Variants in ANKS1B observed in about 807,000 individuals in gnomAD.
The protein encoded by ANKS1B is ankyrin repeat and sterile alpha motif domain-containing protein 1B.
Under a neutral mutation model 148.3 loss-of-function variants are expected in ANKS1B, and 36 were observed. That is an observed-to-expected ratio of 0.24 (90% confidence interval 0.19 to 0.32). The LOEUF is 0.32. Ranked by LOEUF, ANKS1B falls within the 10% of genes least tolerant of loss-of-function variation. The pLI, the probability that ANKS1B is intolerant of heterozygous loss-of-function variation, is 1.00. For missense variants in ANKS1B, 1,157 were observed against 1,542.6 expected (o/e 0.75, Z 4.19); for synonymous variants, 542 against 560.8 (o/e 0.97, Z 0.47).
At chr12:99,673,895 T>C (rs1003198824) in intron 8 of ANKS1B, among the ~76,000 whole-genome samples, 3 of 151,656 alleles carry the variant, frequency 2.0e-5, no homozygotes, top group African/African-American at 7.2e-5. Context: ...CAGCTCAAAA[T>C]TATAATTTAG....
At chr12:99,803,275 A>AC (rs35970531) in intron 4 of ANKS1B, among the ~76,000 whole-genome samples, 42,971 of 89,688 alleles carry the variant, frequency 0.48, 10,689 homozygotes, top group Admixed American at 0.6. Flanking sequence ...TTAAATATTC[A>AC]CCCCCCCCCA....
intron 8 of ANKS1B, among the ~76,000 whole-genome samples, chr12:99,716,749 T>C (rs2057385146): frequency 6.6e-6 from 1 of 152,070 alleles, no homozygotes; most frequent in South Asian, 2.1e-4. Flanking sequence ...AAATCTTCCT[T>C]CTTTCCCTCC....
intron 17 of ANKS1B, among the ~76,000 whole-genome samples, chr12:98,887,903 A>T (rs2099743729): frequency 6.6e-6 from 1 of 152,210 alleles, no homozygotes; most frequent in African/African-American, 2.4e-5. Flanking sequence ...ATGATCCACC[A>T]ATAAAATAAA....
intron 19 of ANKS1B, among the ~76,000 whole-genome samples, chr12:98,818,464 A>C (rs1411251772): frequency 1.3e-5 from 2 of 152,206 alleles, no homozygotes; most frequent in African/African-American, 2.4e-5. Flanking sequence ...TTGCCTGTAC[A>C]ATCCAGCTCT....
At chr12:99,805,961 T>C (rs538555948) in intron 4 of ANKS1B, among the ~76,000 whole-genome samples, 2 of 152,358 alleles carry the variant, frequency 1.3e-5, no homozygotes, top group East Asian at 3.9e-4. Context: ...TTAACTGAAA[T>C]TTAATAGTTC....
intron 1 of ANKS1B, among the ~76,000 whole-genome samples, chr12:99,942,538 G>A (rs2094946116): frequency 6.6e-6 from 1 of 152,048 alleles, no homozygotes; most frequent in African/African-American, 2.4e-5. Context: ...AAAAATTTAG[G>A]CTAAGGAAAG....
chr12:99,238,084 C>G (rs1339073090), intron 14 of ANKS1B, among the ~76,000 whole-genome samples: 1 of 152,214 alleles, frequency 6.6e-6, no homozygotes, highest in Non-Finnish European at 1.5e-5. Context: ...CGAGCTGAAG[C>G]AGGGCGGGGT....
chr12:99,233,110 G>A (rs2087165635), intron 14 of ANKS1B, among the ~76,000 whole-genome samples: 1 of 151,976 alleles, frequency 6.6e-6, no homozygotes, highest in Non-Finnish European at 1.5e-5. Flanking sequence ...TGTATAGAAG[G>A]TGTATATAAA....
At chr12:99,523,551 C>CCTTTTT (rs2096896395) in intron 9 of ANKS1B, among the ~76,000 whole-genome samples, 1 of 119,640 alleles carries the variant, frequency 8.4e-6, no homozygotes, top group African/African-American at 3.3e-5. Flanking sequence ...AAGGCATCTT[C>CCTTTTT]TTTTTTTTTT....
At chr12:99,460,819 C>G (rs1369513124) in intron 10 of ANKS1B, among the ~76,000 whole-genome samples, 4 of 151,754 alleles carry the variant, frequency 2.6e-5, no homozygotes, top group African/African-American at 9.7e-5. Flanking sequence ...ATAAAACCAC[C>G]ACTGAAAACA....
chr12:99,433,502 C>A (rs983226969), intron 11 of ANKS1B, among the ~76,000 whole-genome samples: 2 of 152,118 alleles, frequency 1.3e-5, no homozygotes, highest in African/African-American at 4.8e-5. Flanking sequence ...CTGAACCACA[C>A]ATTGAGAACT....
At chr12:99,025,623 A>G (rs961491296) in intron 17 of ANKS1B, among the ~76,000 whole-genome samples, 5 of 152,200 alleles carry the variant, frequency 3.3e-5, no homozygotes, top group South Asian at 4.1e-4. Context: ...GGGCAAGGAC[A>G]AACTGGAACC....
intron 14 of ANKS1B, among the ~76,000 whole-genome samples, chr12:99,210,389 T>C (rs2083194317): frequency 6.6e-6 from 1 of 152,192 alleles, no homozygotes; most frequent in Non-Finnish European, 1.5e-5. Context: ...TACCATTTTT[T>C]GCTCAGCAGG....
chr12:98,966,599 C>A (rs2153179610), intron 17 of ANKS1B, among the ~76,000 whole-genome samples: 1 of 152,250 alleles, frequency 6.6e-6, no homozygotes, highest in African/African-American at 2.4e-5. Context: ...CACATGCACA[C>A]ATATGTGTAT....
intron 17 of ANKS1B, among the ~76,000 whole-genome samples, chr12:99,009,351 C>A (rs4762534): frequency 6.6e-6 from 1 of 151,972 alleles, no homozygotes; most frequent in African/African-American, 2.4e-5. Flanking sequence ...TTTGTAAGCA[C>A]GAACAGAGAG....
chr12:98,794,433 TCAAGCTTGG>T (rs1230390938), intron 22 of ANKS1B: 1 of 176,616 alleles, frequency 5.7e-6, no homozygotes, highest in Non-Finnish European at 1.1e-5. Context: ...AGACTTCCTC[TCAAGCTTGG>T]CAAGCTTGGC....
intron 12 of ANKS1B, among the ~76,000 whole-genome samples, chr12:99,256,969 G>C (rs189095375): frequency 5.9e-4 from 90 of 152,058 alleles, no homozygotes; most frequent in Middle Eastern, 3.4e-3. Context: ...ATCCCGGCCG[G>C]GTGCAGTGGC....
intron 11 of ANKS1B, among the ~76,000 whole-genome samples, chr12:99,408,049 T>A (rs2094573991): frequency 6.8e-6 from 1 of 145,998 alleles, no homozygotes; most frequent in Non-Finnish European, 1.5e-5. Flanking sequence ...TAAGCCATCA[T>A]GAGCAAAAAG....
At chr12:99,027,720 G>T (rs886174356) in intron 17 of ANKS1B, among the ~76,000 whole-genome samples, 1 of 152,348 alleles carries the variant, frequency 6.6e-6, no homozygotes, top group African/African-American at 2.4e-5. Flanking sequence ...AGACAGGCTT[G>T]TGCCTGCATG....
Sources: allele counts gnomAD v4.1 joint callset (sites outside exome capture counted in the v4.1 genomes callset), GRCh38; gene constraint gnomAD v4.1.1; transcripts MANE v1.5; gene names NCBI Gene and HGNC (gene_info 2026-07-23, HGNC 2026-07-21).